Variants in ADAMTSL1 observed in about 807,000 individuals in gnomAD.
ADAMTSL1 encodes the protein ADAMTS like 1.
A neutral mutation model predicts 201.8 loss-of-function variants in ADAMTSL1; 126 were observed. The observed-to-expected ratio is 0.62, with a 90% confidence interval of 0.54 to 0.72. The LOEUF (loss-of-function observed/expected upper bound fraction) is 0.72, where lower values mean the gene tolerates loss of function less well. ADAMTSL1 is among the 30% of genes least tolerant of loss of function. The pLI, the probability that ADAMTSL1 is intolerant of heterozygous loss-of-function variation, is 0.00. For synonymous variants in ADAMTSL1, 1,121 were observed against 903.4 expected (o/e 1.24, Z -4.32); for missense variants, 2,679 against 2,277.8 (o/e 1.18, Z -3.59).
At position 18,777,395 on chromosome 9, in the gene ADAMTSL1, G is replaced by A; in HGVS notation, c.3166G>A (p.Glu1056Lys). 1.2e-6 allele frequency: 2 copies of A among 1,603,092 alleles called. No individual in the cohort carries two copies. The highest frequency in any genetic ancestry group is 1.7e-6 in the Non-Finnish European group (2 of 1,175,428). Residue 1056 changes from glutamate (E) to lysine (K), a missense_variant, in exon 19 of 29, where the codon GAG becomes AAG. Coordinates refer to ENST00000380548, the MANE Select transcript of ADAMTSL1 (RefSeq NM_001040272.6). ...DSAERNTTSE[E>K]DPGAEQVLLH... is the part of the protein sequence containing the mutation. ...TGCGGAAAGGAACACGACCTCGGAG[G>A]AGGACCCGGGTGCAGAGCAAGTGCT...
intron 2 of ADAMTSL1, among the ~76,000 whole-genome samples, chr9:18,205,051 A>G (rs1172723052): frequency 1.3e-5 from 2 of 152,286 alleles, no homozygotes; most frequent in East Asian, 1.9e-4. Context: ...CCAAATCCAC[A>G]GTGGTGGAGC....
intron 2 of ADAMTSL1, among the ~76,000 whole-genome samples, chr9:18,335,329 T>G (rs1415699021): frequency 2.0e-5 from 3 of 152,146 alleles, no homozygotes; most frequent in African/African-American, 7.2e-5. Flanking sequence ...TTATGTTTAT[T>G]TATTTTTACT....
chr9:18,812,183 A>G (rs568642107), intron 20 of ADAMTSL1, among the ~76,000 whole-genome samples: 2 of 152,314 alleles, frequency 1.3e-5, no homozygotes, highest in African/African-American at 4.8e-5. Flanking sequence ...AATTAGTTAT[A>G]TAGCTACAAT....
upstream of ADAMTSL1, among the ~76,000 whole-genome samples, chr9:18,473,060 A>G (rs1821280274): frequency 6.6e-6 from 1 of 152,156 alleles, no homozygotes; most frequent in Non-Finnish European, 1.5e-5. Flanking sequence ...ACTGCTCATT[A>G]GCACTTCCTT....
At chr9:18,547,633 T>TAAATAAAAA (rs1554702002) in intron 3 of ADAMTSL1, among the ~76,000 whole-genome samples, 1 of 86,268 alleles carries the variant, frequency 1.2e-5, no homozygotes, top group African/African-American at 5.2e-5. Flanking sequence ...TATATATATA[T>TAAATAAAAA]AAAAAAAAAA....
intron 1 of ADAMTSL1, among the ~76,000 whole-genome samples, chr9:18,149,809 G>C (rs1012573188): frequency 6.6e-6 from 1 of 152,016 alleles, no homozygotes; most frequent in Non-Finnish European, 1.5e-5. Context: ...GTCCAGGAGA[G>C]GGCTGACCAA....
In ADAMTSL1 at chr9:18,665,791, A is replaced by T. The variant is rs190372388; in HGVS notation, c.1085+3718A>T. Among the ~76,000 whole-genome samples the T allele has an allele frequency of 5.9e-5, 9 of 152,214 alleles. 2 individuals carry two copies. The highest frequency in any genetic ancestry group is 1.9e-4 in the African/African-American group (8 of 41,552). On this transcript the variant is annotated intron_variant, in intron 9 of 28. Transcript: ENST00000380548. ...GTTCTTGAGGCTGAAGAGATTGTTG[A>T]CATCTCGCCTATACTCTTCAAAATA... is the stretch of plus-strand genomic sequence containing the variant.
intron 2 of ADAMTSL1, among the ~76,000 whole-genome samples, chr9:18,316,423 T>TG (rs905332684): frequency 7.2e-5 from 11 of 152,054 alleles, no homozygotes; most frequent in East Asian, 3.9e-4. Flanking sequence ...CGGGCACACC[T>TG]GGGGGGGCCG....
At chr9:18,079,840 T>C (rs759773133) in intron 1 of ADAMTSL1, among the ~76,000 whole-genome samples, 6 of 152,132 alleles carry the variant, frequency 3.9e-5, no homozygotes, top group Non-Finnish European at 8.8e-5. Context: ...GTTGGAAGTG[T>C]TCCTAAAGGG....
intron 16 of ADAMTSL1, among the ~76,000 whole-genome samples, chr9:18,769,458 G>C (rs1820557267): frequency 6.6e-6 from 1 of 152,324 alleles, no homozygotes; most frequent in East Asian, 1.9e-4. Context: ...CTAGGGTTAT[G>C]TCAGACTGAA....
intron 1 of ADAMTSL1, among the ~76,000 whole-genome samples, chr9:18,033,952 CT>C (rs1413184662): frequency 6.6e-6 from 1 of 152,134 alleles, no homozygotes; most frequent in African/African-American, 2.4e-5. Context: ...AGTTTTGTCT[CT>C]GTTATCATTC....
chr9:18,510,483 G>A (rs567773676), intron 2 of ADAMTSL1, among the ~76,000 whole-genome samples: 21 of 152,164 alleles, frequency 1.4e-4, no homozygotes, highest in Middle Eastern at 6.8e-3. Flanking sequence ...GGAACATACT[G>A]AGTAGAATCC....
chr9:18,011,537 G>C, intron 1 of ADAMTSL1, among the ~76,000 whole-genome samples: 1 of 152,114 alleles, frequency 6.6e-6, no homozygotes, highest in Middle Eastern at 3.4e-3. Flanking sequence ...TGGAAGTGAA[G>C]TCACAAGCTC....
chr9:18,110,888 A>G (rs1587074003), intron 1 of ADAMTSL1, among the ~76,000 whole-genome samples: 1 of 152,202 alleles, frequency 6.6e-6, no homozygotes, highest in Non-Finnish European at 1.5e-5. Context: ...AATATGTATC[A>G]GTTGACTCGG....
At position 18,170,846 on chromosome 9, in the gene ADAMTSL1, G is replaced by C. The variant is rs138612862; in HGVS notation, c.207+6865G>C. Among the ~76,000 whole-genome samples, 369 of 152,118 alleles carry C rather than the reference G, an allele frequency of 2.4e-3. 2 individuals carry two copies. The highest frequency in any genetic ancestry group is 8.6e-3 in the African/African-American group (357 of 41,526). On this transcript the variant is annotated intron_variant, in intron 2 of 29. Transcript: ENST00000680146. ...TCTAACTGTGGTGGATACATGACAG[G>C]CTTTCTCTCTACTGTTGTCATCAGG...
intron 5 of ADAMTSL1, among the ~76,000 whole-genome samples, chr9:18,626,231 T>G (rs371085711): frequency 1.4e-4 from 22 of 152,256 alleles, no homozygotes; most frequent in Admixed American, 9.8e-4. Flanking sequence ...CAAAATCCAT[T>G]TATCTTCCTA....
chr9:18,549,564 T>A (rs923135118), intron 3 of ADAMTSL1, among the ~76,000 whole-genome samples: 10 of 152,054 alleles, frequency 6.6e-5, no homozygotes, highest in African/African-American at 1.9e-4. Flanking sequence ...TATGTATGTA[T>A]GTATGCATGT....
chr9:18,894,975 G>A (rs1829529782), intron 26 of ADAMTSL1, among the ~76,000 whole-genome samples: 1 of 152,084 alleles, frequency 6.6e-6, no homozygotes, highest in African/African-American at 2.4e-5. Context: ...GAAGTCAATG[G>A]TATAAAAATA....
chr9:18,317,418 A>G (rs922764411), intron 2 of ADAMTSL1, among the ~76,000 whole-genome samples: 2 of 152,162 alleles, frequency 1.3e-5, no homozygotes, highest in Admixed American at 1.3e-4. Flanking sequence ...ACACACACAC[A>G]CACACGTACA....
Sources: gnomAD v4.1 joint callset for allele counts (sites outside exome capture counted in the v4.1 genomes callset) on GRCh38, gnomAD v4.1.1 for gene constraint, MANE v1.5 for transcripts, NCBI Gene and HGNC (gene_info 2026-07-23, HGNC 2026-07-21) for gene names.